The following AHCY variants were observed in gnomAD, a reference collection of about 807,000 sequenced individuals.
The protein encoded by AHCY is adenosylhomocysteinase, also known as S-adenosyl-L-homocysteine hydrolase.
A neutral mutation model predicts 45.4 loss-of-function variants in AHCY; 24 were observed. That is an observed-to-expected ratio of 0.53 (90% confidence interval 0.38 to 0.74). The LOEUF (loss-of-function observed/expected upper bound fraction) is 0.74. AHCY is among the 30% of genes least tolerant of loss of function. The pLI is 0.00. For synonymous variants in AHCY, 245 were observed against 235.1 expected, an observed-to-expected ratio of 1.04 and a Z score of -0.39; for missense variants, 449 against 594.1, an observed-to-expected ratio of 0.76 and a Z score of 2.54.
Position 34,290,329 on chromosome 20 carries a change from C to T in AHCY, c.972+3G>A. 1 of 1,613,934 alleles carries T rather than the reference C, an allele frequency of 6.2e-7. No homozygotes were observed. Among genetic ancestry groups the T allele is most frequent in the Non-Finnish European group, 8.5e-7 (1 of 1,179,996 alleles). On this transcript the variant is annotated splice_donor_region_variant and intron_variant, in intron 8 of 9. Coordinates refer to ENST00000217426, the MANE Select transcript of AHCY (RefSeq NM_000687.4). This position sits in a 1 kb window ranked among gnomAD's most constrained non-coding sequence, Gnocchi z 4.5. ...GCCCACTGGCAAGGCGGGAGCTTCTCACCTGCGGCTTGATGTTCACCTTCT... is the reference window on the plus strand; with the variant it reads ...GCCCACTGGCAAGGCGGGAGCTTCTTACCTGCGGCTTGATGTTCACCTTCT...
At chr20:34,267,520 T>G in the AHCY span, among the ~76,000 whole-genome samples, 1 of 151,086 alleles carries the variant, frequency 6.6e-6, no homozygotes, top group African/African-American at 2.4e-5. Flanking sequence ...TAAATTTGCT[T>G]ATGGCCACTT....
the AHCY span, chr20:34,262,999 G>A: frequency 7.6e-7 from 1 of 1,316,646 alleles, no homozygotes; most frequent in African/African-American, 1.5e-5. Context: ...GATTTTTCAG[G>A]CCTATATTAA....
At chr20:34,278,322 G>A (rs1355331249), downstream of AHCY, among the ~76,000 whole-genome samples, 1 of 152,158 alleles carries the variant, frequency 6.6e-6, no homozygotes, top group East Asian at 1.9e-4. Flanking sequence ...GGAGGTGGGG[G>A]GCTACATGGG....
chr20:34,276,127 C>T (rs1009184454), downstream of AHCY, among the ~76,000 whole-genome samples: 8 of 152,162 alleles, frequency 5.3e-5, no homozygotes, highest in African/African-American at 1.7e-4. Context: ...GTCTCTTTTA[C>T]AGTTGCCACC....
the AHCY span, among the ~76,000 whole-genome samples, chr20:34,263,458 G>A: frequency 6.6e-6 from 1 of 151,946 alleles, no homozygotes; most frequent in Admixed American, 6.6e-5. Context: ...CCAGCTACTT[G>A]GGAGGCTGAG....
At chr20:34,268,730 T>C in the AHCY span, among the ~76,000 whole-genome samples, 1 of 148,064 alleles carries the variant, frequency 6.8e-6, no homozygotes, top group Non-Finnish European at 1.5e-5. Flanking sequence ...TGAAACCCTG[T>C]CTAAAAAAAA....
chr20:34,283,572 G>A (rs953884830), intron 9 of AHCY, among the ~76,000 whole-genome samples: 18 of 150,664 alleles, frequency 1.2e-4, no homozygotes, highest in African/African-American at 4.1e-4. Flanking sequence ...GTGCTGAGGC[G>A]GGAGCTTTGC....
At chr20:34,273,690 T>A in the AHCY span, among the ~76,000 whole-genome samples, 357 of 152,340 alleles carry the variant, frequency 2.3e-3, 13 homozygotes, top group East Asian at 0.066. Flanking sequence ...TAATTTGAAC[T>A]GAATTAGCCA....
the AHCY span, among the ~76,000 whole-genome samples, chr20:34,259,815 T>G: frequency 5.3e-5 from 8 of 151,888 alleles, no homozygotes; most frequent in Non-Finnish European, 1.2e-4. Context: ...TGTCAACAGC[T>G]CCATCCTCCT....
chr20:34,249,111 A>G, the AHCY span, among the ~76,000 whole-genome samples: 4 of 152,122 alleles, frequency 2.6e-5, no homozygotes, highest in Admixed American at 1.3e-4. Flanking sequence ...CCTGGGTGAC[A>G]GAGTGAGACC....
the AHCY span, among the ~76,000 whole-genome samples, chr20:34,265,111 A>C: frequency 6.6e-6 from 1 of 152,218 alleles, no homozygotes; most frequent in South Asian, 2.1e-4. Context: ...CTTGATTATA[A>C]GAGTACAGTA....
intron 1 of AHCY, among the ~76,000 whole-genome samples, chr20:34,298,945 C>G (rs567587084): frequency 6.6e-6 from 1 of 152,174 alleles, no homozygotes; most frequent in South Asian, 2.1e-4. Context: ...CCAGTGGACA[C>G]GTGACCCACA....
the AHCY span, among the ~76,000 whole-genome samples, chr20:34,235,189 C>A: frequency 6.6e-6 from 1 of 152,224 alleles, no homozygotes; most frequent in African/African-American, 2.4e-5. Flanking sequence ...CGCCTGTAAT[C>A]CCAGCACTTT....
At chr20:34,270,967 TTTTG>T in the AHCY span, among the ~76,000 whole-genome samples, 17,244 of 151,716 alleles carry the variant, frequency 0.11, 3,287 homozygotes, top group African/African-American at 0.39. Flanking sequence ...CAGTTCTTGC[TTTTG>T]TTTGTTTGTT....
Position 34,292,414 on chromosome 20 carries a change from TC to T in AHCY, c.388del (p.Asp130ThrfsTer38). 6.2e-7 allele frequency: 1 copy of T among 1,613,854 alleles called. No individual in the cohort carries two copies. The highest frequency in any genetic ancestry group is 8.5e-7 in the Non-Finnish European group (1 of 1,180,026). The part of the protein sequence containing the change: ...FKDGPLNMIL[D>X]DGGDLTNLIH... The stretch of plus-strand genomic sequence containing the variant: ...GAGGTTGGTGAGGTCGCCCCCGTCG[TC>T]CAGAATCATGTTGAGGGGCCCGTCC... On this transcript the variant is annotated frameshift_variant, in exon 4 of 10. Coordinates refer to ENST00000217426, the MANE Select transcript of AHCY (RefSeq NM_000687.4). LOFTEE classifies it high-confidence loss of function.
the AHCY span, among the ~76,000 whole-genome samples, chr20:34,274,186 T>C: frequency 6.6e-6 from 1 of 152,342 alleles, no homozygotes; most frequent in South Asian, 2.1e-4. Flanking sequence ...TCTGCAGTTA[T>C]CATAGTGCCA....
At chr20:34,269,438 G>A in the AHCY span, 1 of 447,862 alleles carries the variant, frequency 2.2e-6, no homozygotes, top group Non-Finnish European at 3.9e-6. Context: ...CAGGAAACCC[G>A]GGCGTCCCAG....
chr20:34,276,475 C>T (rs2035911210), downstream of AHCY, among the ~76,000 whole-genome samples: 1 of 152,066 alleles, frequency 6.6e-6, no homozygotes, highest in South Asian at 2.1e-4. Context: ...TATTTCTCTC[C>T]CTGGTAATAG....
the AHCY span, among the ~76,000 whole-genome samples, chr20:34,249,799 T>A: frequency 6.6e-6 from 1 of 152,120 alleles, no homozygotes; most frequent in Non-Finnish European, 1.5e-5. Flanking sequence ...CTTGATTCAG[T>A]TTTTCAGGGC....
Sources: allele counts gnomAD v4.1 joint callset (sites outside exome capture counted in the v4.1 genomes callset), GRCh38; gene constraint gnomAD v4.1.1; non-coding constraint Gnocchi (gnomAD v3.1); transcripts MANE v1.5; gene names NCBI Gene and HGNC (gene_info 2026-07-23, HGNC 2026-07-21).